The following RAB6A variants were observed in gnomAD, a reference collection of about 807,000 sequenced individuals.
RAB6A encodes the protein ras-related protein Rab-6A.
RAB6A carries 8 observed loss-of-function variants against 32.3 expected under a neutral mutation model. The ratio of observed to expected loss-of-function variants is 0.25; its 90% CI spans 0.15 to 0.45. RAB6A has a LOEUF of 0.45. Among genes scored for constraint, RAB6A ranks in the 20% least tolerant of loss-of-function variants. RAB6A has a pLI of 1.00. For synonymous variants in RAB6A, 73 were observed against 82.1 expected, an observed-to-expected ratio of 0.89 and a Z score of 0.60; for missense variants, 104 against 249.4, an observed-to-expected ratio of 0.42 and a Z score of 3.93.
intron 7 of RAB6A, among the ~76,000 whole-genome samples, chr11:73,679,270 C>T (rs1945317236): frequency 6.6e-6 from 1 of 152,178 alleles, no homozygotes; most frequent in Admixed American, 6.5e-5. Context: ...TAAAGCTCCA[C>T]TCTATTTCTT....
At chr11:73,710,958 G>GT (rs979165574) in intron 5 of RAB6A, among the ~76,000 whole-genome samples, 1 of 152,034 alleles carries the variant, frequency 6.6e-6, no homozygotes, top group Non-Finnish European at 1.5e-5. Context: ...CTGATTTATA[G>GT]TTTAACGGCT....
rs546019396 is a variant in RAB6A, at chr11:73,676,387, C to A, written c.*1511G>T. Reference sequence around the variant, plus strand: ...TAGTAAAGATTAAAAGGGCACACTCCTAGTATATTTGTTTGCAGTGTTTTA... The same window carrying A: ...TAGTAAAGATTAAAAGGGCACACTCATAGTATATTTGTTTGCAGTGTTTTA... On this transcript the variant is annotated 3_prime_UTR_variant, in exon 8 of 8. Coordinates refer to ENST00000336083, the MANE Select transcript of RAB6A (RefSeq NM_198896.2). The A allele has an allele frequency of 6.0e-6, 1 of 166,874 alleles. No individual in the cohort carries two copies. The highest frequency in any genetic ancestry group is 1.9e-4 in the East Asian group (1 of 5,186). The allele number at this position is 166,874 out of a possible 1,614,324, so 10.3% of individuals were successfully genotyped here.
intron 6 of RAB6A, among the ~76,000 whole-genome samples, chr11:73,692,321 T>C (rs918195618): frequency 6.7e-6 from 1 of 149,476 alleles, no homozygotes; most frequent in Non-Finnish European, 1.5e-5. Flanking sequence ...TGGCTAACAG[T>C]GAAACCCCGT....
intron 1 of RAB6A, among the ~76,000 whole-genome samples, chr11:73,744,020 C>CA (rs1232552847): frequency 2.0e-5 from 3 of 152,044 alleles, no homozygotes; most frequent in African/African-American, 7.2e-5. Context: ...ACATGGACAA[C>CA]ATGGCAAGAC....
intron 6 of RAB6A, among the ~76,000 whole-genome samples, chr11:73,689,441 T>C (rs888022229): frequency 4.6e-5 from 7 of 152,160 alleles, no homozygotes; most frequent in Non-Finnish European, 8.8e-5. Flanking sequence ...CTGCTGCTCA[T>C]CTCCTGCTGT....
At chr11:73,704,528 C>A (rs1021198240) in intron 6 of RAB6A, among the ~76,000 whole-genome samples, 1 of 139,544 alleles carries the variant, frequency 7.2e-6, no homozygotes, top group Non-Finnish European at 1.6e-5. Context: ...ACTAAAAATA[C>A]AAAAAAATTA....
chr11:73,731,592 T>C (rs1188414313), intron 1 of RAB6A, among the ~76,000 whole-genome samples: 1 of 149,378 alleles, frequency 6.7e-6, no homozygotes, highest in Non-Finnish European at 1.5e-5. Flanking sequence ...TTAAAATTCA[T>C]TTCAAAACCA....
At chr11:73,697,254 A>G (rs1378266288) in intron 6 of RAB6A, among the ~76,000 whole-genome samples, 1 of 152,076 alleles carries the variant, frequency 6.6e-6, no homozygotes, top group African/African-American at 2.4e-5. Context: ...CCCTCCTTTT[A>G]TAAGACATCA....
chr11:73,725,818 G>C (rs1351851954), intron 2 of RAB6A, among the ~76,000 whole-genome samples: 1 of 152,154 alleles, frequency 6.6e-6, no homozygotes, highest in Non-Finnish European at 1.5e-5. Flanking sequence ...GCTAAAAAAG[G>C]AGAAAGGTAA....
At chr11:73,746,933 T>C (rs1451307251) in intron 1 of RAB6A, among the ~76,000 whole-genome samples, 1 of 152,094 alleles carries the variant, frequency 6.6e-6, no homozygotes, top group Non-Finnish European at 1.5e-5. Flanking sequence ...AGTAGGACTG[T>C]TTTTTGTTGT....
At chr11:73,760,218 C>T (rs1348526447) in intron 1 of RAB6A, 1 of 824,634 alleles carries the variant, frequency 1.2e-6, no homozygotes, top group Non-Finnish European at 1.8e-6. Context: ...GGGTGGGGCT[C>T]AAGAAAGGGG....
chr11:73,758,230 T>C (rs891929232), intron 1 of RAB6A, among the ~76,000 whole-genome samples: 18 of 152,336 alleles, frequency 1.2e-4, no homozygotes, highest in African/African-American at 4.3e-4. Context: ...CTTGACAATA[T>C]AGTAACCTCA....
chr11:73,685,559 T>TTAC (rs1267881265), intron 6 of RAB6A, among the ~76,000 whole-genome samples: 1 of 73,794 alleles, frequency 1.4e-5, no homozygotes, highest in African/African-American at 4.3e-5. Flanking sequence ...AGTGCTGGGA[T>TTAC]TACAAGTGTG....
At chr11:73,732,969 T>C (rs1442128046) in intron 1 of RAB6A, among the ~76,000 whole-genome samples, 1 of 152,018 alleles carries the variant, frequency 6.6e-6, no homozygotes, top group East Asian at 1.9e-4. Context: ...TGTGCCACCA[T>C]GCCTGGCTAA....
chr11:73,679,817 C>A (rs745937586), intron 6 of RAB6A, 97 bp from the exon 7 acceptor site: 1 of 1,495,822 alleles, frequency 6.7e-7, no homozygotes, highest in South Asian at 1.1e-5. Flanking sequence ...TAATGCTGGG[C>A]GCAGTGGCTC....
intron 3 of RAB6A, 61 bp from the exon 4 acceptor site, chr11:73,718,779 A>G: frequency 6.2e-7 from 1 of 1,614,158 alleles, no homozygotes; most frequent in Non-Finnish European, 8.5e-7. Flanking sequence ...GTTGCAATAT[A>G]CCTACTTGTG....
chr11:73,693,640 C>T (rs1945612031), intron 6 of RAB6A, among the ~76,000 whole-genome samples: 1 of 147,952 alleles, frequency 6.8e-6, no homozygotes, highest in African/African-American at 2.5e-5. Flanking sequence ...AATCCCAGTA[C>T]TTTGGGAGCC....
intron 1 of RAB6A, among the ~76,000 whole-genome samples, chr11:73,757,680 T>C (rs568702175): frequency 7.2e-5 from 11 of 152,220 alleles, no homozygotes; most frequent in Non-Finnish European, 1.6e-4. Flanking sequence ...TGGTTGGGCC[T>C]CTAAACGATT....
At chr11:73,760,209 G>T in intron 1 of RAB6A, 1 of 913,516 alleles carries the variant, frequency 1.1e-6, no homozygotes, top group African/African-American at 1.7e-5. Context: ...AAGGAATAAG[G>T]GTGGGGCTCA....
Sources: gnomAD v4.1 joint callset for allele counts (sites outside exome capture counted in the v4.1 genomes callset) on GRCh38, gnomAD v4.1.1 for gene constraint, MANE v1.5 for transcripts, NCBI Gene and HGNC (gene_info 2026-07-23, HGNC 2026-07-21) for gene names.